Variants in SPAG17 observed in about 807,000 individuals in gnomAD.
SPAG17 encodes the protein sperm associated antigen 17, also known as sperm-associated antigen 17.
In SPAG17, 169 loss-of-function variants were observed where a neutral mutation model predicts 273.6. The ratio of observed to expected loss-of-function variants is 0.62; its 90% CI spans 0.55 to 0.70. The LOEUF is 0.70. Ranked by LOEUF, SPAG17 falls within the 30% of genes least tolerant of loss-of-function variation. SPAG17 has a pLI of 0.00. For missense variants in SPAG17, 2,557 were observed against 2,627.8 expected (o/e 0.97, Z 0.59); for synonymous variants, 825 against 873.2 (o/e 0.94, Z 0.97).
intron 1 of SPAG17, among the ~76,000 whole-genome samples, chr1:118,153,053 G>A (rs1659475668): frequency 6.6e-6 from 1 of 152,182 alleles, no homozygotes; most frequent in Non-Finnish European, 1.5e-5. Context: ...ATATTTGAAA[G>A]TTAATGGTGA....
Position 118,099,783 on chromosome 1 carries a change from C to A in SPAG17, c.652G>T (p.Gly218Cys). The A allele has an allele frequency of 6.2e-7, 1 of 1,612,360 alleles. No individual in the cohort carries two copies. Among genetic ancestry groups the A allele is most frequent in the Non-Finnish European group, 8.5e-7 (1 of 1,179,770 alleles). Residue 218 changes from glycine (G) to cysteine (C), a missense_variant, in exon 6 of 49, where the codon GGT becomes TGT. Coordinates refer to ENST00000336338, the MANE Select transcript of SPAG17 (RefSeq NM_206996.4). ...ACAACTATAATGTAATGTTGGGCAC[C>A]ATCATCTGGCTCATCGTCTGTTCAA... ...NRYIDDEPDD[G>C]AQHYIIVVGF...
At chr1:118,074,680 G>T in intron 15 of SPAG17, 80 bp from the exon 16 acceptor site, 1 of 1,271,192 alleles carries the variant, frequency 7.9e-7, no homozygotes, top group Non-Finnish European at 1.1e-6. Flanking sequence ...CTTTTTTGTT[G>T]CCCATATGAT....
At chr1:118,004,237 G>T (rs1361923108) in intron 32 of SPAG17, among the ~76,000 whole-genome samples, 1 of 152,154 alleles carries the variant, frequency 6.6e-6, no homozygotes, top group Non-Finnish European at 1.5e-5. Flanking sequence ...GGCCCCTACT[G>T]GGAGGTGTCT....
At chr1:118,121,572 G>T (rs1183136551) in intron 3 of SPAG17, among the ~76,000 whole-genome samples, 2 of 152,144 alleles carry the variant, frequency 1.3e-5, no homozygotes, top group Non-Finnish European at 2.9e-5. Context: ...GAGGGATCTA[G>T]TTGTGTGCTC....
At chr1:118,028,993 C>G (rs892509676) in intron 25 of SPAG17, among the ~76,000 whole-genome samples, 1 of 152,216 alleles carries the variant, frequency 6.6e-6, no homozygotes, top group African/African-American at 2.4e-5. Flanking sequence ...TGTGTGGTTG[C>G]AATTTCAGCT....
chr1:118,012,267 A>C lies in SPAG17; in HGVS notation c.4393T>G (p.Tyr1465Asp). ...GTRITTFYQV[Y>D]EDQIILPDDQ... ...TCTGGCAGAATAATTTGATCTTCAT[A>C]AACTTGATAAAAGGTTGTGATTCTG... Residue 1465 changes from tyrosine (Y) to aspartate (D), a missense_variant, in exon 30 of 49, where the codon TAT becomes GAT. Transcript: ENST00000336338. 1 of 1,613,692 alleles carries C rather than the reference A, an allele frequency of 6.2e-7. No homozygotes were observed. The highest frequency in any genetic ancestry group is 8.5e-7 in the Non-Finnish European group (1 of 1,179,752).
In SPAG17 at chr1:118,143,031, C is replaced by T. The variant is rs77039112; in HGVS notation, c.315+7512G>A. Among the ~76,000 whole-genome samples the T allele has an allele frequency of 2.5e-3, 385 of 152,260 alleles. 1 individual carries two copies. The highest frequency in any genetic ancestry group is 8.9e-3 in the African/African-American group (368 of 41,550). ...GGTCACTTAACCATATAAATCTTAACCATAAGAATTAAAAAACCCTGTTGA... is the reference window on the plus strand; with the variant it reads ...GGTCACTTAACCATATAAATCTTAATCATAAGAATTAAAAAACCCTGTTGA... On this transcript the variant is annotated intron_variant, in intron 3 of 48. Transcript: ENST00000336338.
chr1:118,099,962 A>G (rs1269198979), intron 5 of SPAG17, among the ~76,000 whole-genome samples, 162 bp from the exon 6 acceptor site: 1 of 152,220 alleles, frequency 6.6e-6, no homozygotes, highest in Non-Finnish European at 1.5e-5. Flanking sequence ...ACTGTTTTTC[A>G]TTATTGCCCT....
rs1023646311 is a variant in SPAG17 at position 117,984,757 on chromosome 1, A to G, written c.5695T>C (p.Tyr1899His). ...TRKEIETTQN[Y>H]LMDIKNRIIP... is the part of the protein sequence containing the mutation. ...ATGCGGTTCTTAATATCCATTAGGTAATTCTGTGTTGTCTCAATTTCCTTC... is the reference window on the plus strand; with the variant it reads ...ATGCGGTTCTTAATATCCATTAGGTGATTCTGTGTTGTCTCAATTTCCTTC... Residue 1899 changes from tyrosine to histidine, a missense_variant, in exon 41 of 49, where the codon TAC becomes CAC. Tyr to His is a moderately conservative substitution (Grantham distance 83). Transcript: ENST00000336338. 3 of 1,609,860 alleles carry G rather than the reference A, an allele frequency of 1.9e-6. No individual in the cohort carries two copies. Among genetic ancestry groups the G allele is most frequent in the South Asian group, 1.1e-5 (1 of 90,472 alleles).
intron 20 of SPAG17, among the ~76,000 whole-genome samples, chr1:118,045,399 C>G (rs1468693475): frequency 6.6e-6 from 1 of 152,184 alleles, no homozygotes; most frequent in Non-Finnish European, 1.5e-5. Context: ...CTCTAAACAA[C>G]AGGGTTTGGA....
intron 23 of SPAG17, 124 bp downstream of exon 23, chr1:118,039,168 T>C (rs1323463493): frequency 2.1e-5 from 21 of 1,023,580 alleles, no homozygotes; most frequent in Non-Finnish European, 3.0e-5. Context: ...GCACTATTAA[T>C]AAGAGAGTGT....
intron 25 of SPAG17, among the ~76,000 whole-genome samples, chr1:118,030,039 T>C (rs1283547516): frequency 1.3e-5 from 2 of 152,192 alleles, no homozygotes; most frequent in East Asian, 3.8e-4. Context: ...TCCATTATCA[T>C]TTATTTTAAA....
chr1:118,182,097 GAATA>G (rs1193834974), intron 1 of SPAG17, among the ~76,000 whole-genome samples: 1 of 151,922 alleles, frequency 6.6e-6, no homozygotes, highest in Non-Finnish European at 1.5e-5. Context: ...ATGAATGAAT[GAATA>G]AATAAAATGT....
Position 117,970,889 on chromosome 1 carries a change from C to T in SPAG17, c.6327-773G>A, listed in dbSNP as rs763556486. Among the ~76,000 whole-genome samples, 40 of 152,186 alleles carry T rather than the reference C, an allele frequency of 2.6e-4. 1 individual carries two copies. The highest frequency in any genetic ancestry group is 4.4e-5 in the Non-Finnish European group (3 of 68,034). ...GGTTGACTGTCTATTTCTTCCCACC[C>T]ACTTTGTTGGCAACAACCTAAAAAA... On this transcript the variant is annotated intron_variant, in intron 45 of 48. Transcript: ENST00000336338.
rs538822644 is a variant in SPAG17, at chr1:117,990,277, G to C, written c.5521+584C>G. Reference sequence around the variant, plus strand: ...ATCTGTGGGCTGAATGAAGCGCATGGCTGCCAGTTTATGATCTTTGCCATA... The same window carrying C: ...ATCTGTGGGCTGAATGAAGCGCATGCCTGCCAGTTTATGATCTTTGCCATA... On this transcript the variant is annotated intron_variant, in intron 38 of 48. Transcript: ENST00000336338. Among the ~76,000 whole-genome samples the C allele has an allele frequency of 3.3e-5, 5 of 152,316 alleles. No individual in the cohort carries two copies. The South Asian group carries it at 8.3e-4, about 25-fold the overall frequency.
At chr1:118,099,511 T>C in intron 6 of SPAG17, 95 bp downstream of exon 6, 1 of 1,140,404 alleles carries the variant, frequency 8.8e-7, no homozygotes, top group Non-Finnish European at 1.3e-6. Context: ...ATGTACTAAT[T>C]GTAAGACTAT....
intron 3 of SPAG17, among the ~76,000 whole-genome samples, chr1:118,133,433 T>A (rs907574250): frequency 6.6e-6 from 1 of 152,112 alleles, no homozygotes; most frequent in African/African-American, 2.4e-5. Context: ...TCAGAAGGTA[T>A]GTTCCTGGAT....
chr1:118,064,268 C>T (rs1057201519), intron 18 of SPAG17, among the ~76,000 whole-genome samples: 12 of 152,046 alleles, frequency 7.9e-5, no homozygotes, highest in African/African-American at 2.7e-4. Flanking sequence ...ATCATGCTGC[C>T]ATAAAGACAC....
intron 17 of SPAG17, 141 bp from the exon 18 acceptor site, chr1:118,067,040 CT>C: frequency 1.4e-6 from 1 of 724,302 alleles, no homozygotes; most frequent in Non-Finnish European, 2.1e-6. Context: ...CCAGAGGTTT[CT>C]TTCCTAGCTG....
Sources: gnomAD v4.1 joint callset for allele counts (sites outside exome capture counted in the v4.1 genomes callset) on GRCh38, gnomAD v4.1.1 for gene constraint, MANE v1.5 for transcripts, NCBI Gene and HGNC (gene_info 2026-07-23, HGNC 2026-07-21) for gene names.